Variants in SORCS1 observed in about 807,000 individuals in gnomAD.
SORCS1 encodes sortilin related VPS10 domain containing receptor 1.
SORCS1 carries 60 observed loss-of-function variants against 146.1 expected under a neutral mutation model. The ratio of observed to expected loss-of-function variants is 0.41; its 90% confidence interval spans 0.33 to 0.51. The LOEUF is 0.51. Ranked by LOEUF, SORCS1 falls within the 20% of genes least tolerant of loss-of-function variation. SORCS1 has a pLI of 0.21. For synonymous variants in SORCS1, 637 were observed against 584.0 expected (o/e 1.09, Z -1.31); for missense variants, 1,352 against 1,487.6 (o/e 0.91, Z 1.50).
intron 5 of SORCS1, among the ~76,000 whole-genome samples, chr10:106,745,638 C>G (rs975469181): frequency 2.6e-5 from 4 of 152,090 alleles, no homozygotes; most frequent in African/African-American, 9.7e-5. Context: ...TGATACTTAT[C>G]CTGCCAGGAG....
At chr10:106,928,336 C>T (rs1953192286) in intron 2 of SORCS1, among the ~76,000 whole-genome samples, 1 of 152,228 alleles carries the variant, frequency 6.6e-6, no homozygotes, top group African/African-American at 2.4e-5. Context: ...CCTCCGCAGC[C>T]GCTGGCCCGG....
intron 1 of SORCS1, among the ~76,000 whole-genome samples, chr10:107,111,933 T>C (rs1464932785): frequency 1.3e-5 from 2 of 152,096 alleles, no homozygotes; most frequent in Admixed American, 1.3e-4. Context: ...ATTCAAAATG[T>C]CAAAAGAAAA....
At chr10:106,679,534 G>T (rs1281755147) in intron 11 of SORCS1, 98 bp downstream of exon 11, 1 of 1,143,500 alleles carries the variant, frequency 8.7e-7, no homozygotes, top group East Asian at 2.6e-5. Flanking sequence ...TCCAAGTACA[G>T]ATATCTAGCT....
intron 2 of SORCS1, among the ~76,000 whole-genome samples, chr10:106,950,631 T>A (rs542896492): frequency 6.6e-6 from 1 of 152,008 alleles, no homozygotes; most frequent in South Asian, 2.1e-4. Context: ...ACACAATACA[T>A]ATATAGATAT....
At chr10:106,968,034 C>T (rs1316634004) in intron 1 of SORCS1, among the ~76,000 whole-genome samples, 1 of 149,236 alleles carries the variant, frequency 6.7e-6, no homozygotes. Flanking sequence ...GAAACCCCGT[C>T]TCTACTAAAG....
intron 8 of SORCS1, among the ~76,000 whole-genome samples, chr10:106,704,385 T>G (rs1028609425): frequency 1.3e-5 from 2 of 152,166 alleles, no homozygotes; most frequent in African/African-American, 4.8e-5. Context: ...CACCAAAACT[T>G]ATGTCACTTA....
intron 16 of SORCS1, among the ~76,000 whole-genome samples, chr10:106,668,057 G>A (rs1851305233): frequency 6.6e-6 from 1 of 152,114 alleles, no homozygotes; most frequent in Non-Finnish European, 1.5e-5. Flanking sequence ...ACACTCTCAA[G>A]CTGAGAGAGT....
At chr10:106,912,845 A>AT (rs1207638515) in intron 2 of SORCS1, among the ~76,000 whole-genome samples, 1 of 151,762 alleles carries the variant, frequency 6.6e-6, no homozygotes, top group Non-Finnish European at 1.5e-5. Context: ...TGCCCGGCTA[A>AT]TTTTTGTATT....
At chr10:106,929,803 T>A (rs749126405) in intron 2 of SORCS1, among the ~76,000 whole-genome samples, 5 of 150,896 alleles carry the variant, frequency 3.3e-5, no homozygotes, top group Non-Finnish European at 5.9e-5. Context: ...ACACACGTAT[T>A]AATCAGAGCA....
At chr10:106,912,718 G>A (rs764568574) in intron 2 of SORCS1, among the ~76,000 whole-genome samples, 7 of 151,884 alleles carry the variant, frequency 4.6e-5, no homozygotes, top group African/African-American at 1.5e-4. Flanking sequence ...TCATTCTGTC[G>A]CCCAGGCTGG....
intron 1 of SORCS1, among the ~76,000 whole-genome samples, chr10:107,055,485 A>T (rs557346021): frequency 1.3e-5 from 2 of 152,366 alleles, no homozygotes; most frequent in Admixed American, 1.3e-4. Context: ...AAAACACTTT[A>T]AAAAAGCAAA....
At chr10:106,600,346 A>G in intron 23 of SORCS1, 2 of 974,480 alleles carry the variant, frequency 2.1e-6, no homozygotes, top group Non-Finnish European at 2.4e-6. Flanking sequence ...AGTACGTTTC[A>G]TATATTTAAC....
intron 1 of SORCS1, among the ~76,000 whole-genome samples, chr10:107,004,875 C>T (rs570073715): frequency 6.6e-6 from 1 of 152,120 alleles, no homozygotes; most frequent in African/African-American, 2.4e-5. Context: ...GTGGGTGGGC[C>T]TGTGCGTGTA....
intron 18 of SORCS1, among the ~76,000 whole-genome samples, chr10:106,636,587 C>G (rs1848738144): frequency 6.6e-6 from 1 of 152,064 alleles, no homozygotes; most frequent in Non-Finnish European, 1.5e-5. Context: ...ACTTATAAGA[C>G]CATCAGATCT....
At chr10:106,701,832 T>A (rs747175189) in intron 8 of SORCS1, among the ~76,000 whole-genome samples, 29 of 152,112 alleles carry the variant, frequency 1.9e-4, no homozygotes, top group Non-Finnish European at 3.4e-4. Context: ...GGATAATAGG[T>A]CCCCCATGGA....
chr10:106,950,296 T>C (rs1954607545), intron 2 of SORCS1, among the ~76,000 whole-genome samples: 1 of 152,232 alleles, frequency 6.6e-6, no homozygotes, highest in Non-Finnish European at 1.5e-5. Context: ...CTGTCTTGCC[T>C]GGTTTGTTGA....
intron 2 of SORCS1, among the ~76,000 whole-genome samples, chr10:106,835,443 T>C (rs1389107002): frequency 1.3e-5 from 2 of 152,210 alleles, no homozygotes; most frequent in African/African-American, 4.8e-5. Context: ...ACCTACAACG[T>C]GAACCCTCAA....
intron 5 of SORCS1, among the ~76,000 whole-genome samples, chr10:106,730,325 G>T (rs954522509): frequency 1.3e-5 from 2 of 152,134 alleles, no homozygotes; most frequent in African/African-American, 4.8e-5. Flanking sequence ...TTGATGAAAG[G>T]CAGGCTGCAT....
At chr10:106,837,301 T>A (rs1948826942) in intron 2 of SORCS1, among the ~76,000 whole-genome samples, 1 of 152,088 alleles carries the variant, frequency 6.6e-6, no homozygotes, top group Non-Finnish European at 1.5e-5. Flanking sequence ...AAGAGGCAGC[T>A]CCTTGATTCC....
Sources: gnomAD v4.1 joint callset for allele counts (sites outside exome capture counted in the v4.1 genomes callset) on GRCh38, gnomAD v4.1.1 for gene constraint, MANE v1.5 for transcripts, NCBI Gene and HGNC (gene_info 2026-07-23, HGNC 2026-07-21) for gene names.